The following MVB12A variants were observed in gnomAD, a reference collection of about 807,000 sequenced individuals.
MVB12A encodes CIN85/CD2AP family binding protein.
In MVB12A, 30 loss-of-function variants were observed where a neutral mutation model predicts 34.3. That is an observed-to-expected ratio of 0.88 (90% confidence interval 0.65 to 1.19). MVB12A has a LOEUF of 1.19. Ranked by LOEUF, MVB12A falls within the 50% of genes most tolerant of loss-of-function variation. The probability of loss-of-function intolerance (pLI) is 0.00; values close to 1 mark genes in which losing one functional copy is unlikely to be tolerated. For missense variants in MVB12A, 355 were observed against 369.2 expected (o/e 0.96, Z 0.31); for synonymous variants, 158 against 158.9 (o/e 0.99, Z 0.04).
chr19:17,411,971 G>T (rs1290607972), intron 2 of MVB12A, among the ~76,000 whole-genome samples: 1 of 152,196 alleles, frequency 6.6e-6, no homozygotes, highest in East Asian at 1.9e-4. Flanking sequence ...GGCGCTCAGC[G>T]GGTGGGGGCG....
At chr19:17,423,274 G>A (rs919568125) in intron 4 of MVB12A, among the ~76,000 whole-genome samples, 39 of 147,002 alleles carry the variant, frequency 2.7e-4, no homozygotes, top group Middle Eastern at 3.4e-3. Context: ...CAGGAGAATC[G>A]TTTGAACCTG....
At position 17,423,362 on chromosome 19, in the gene MVB12A, A is replaced by C. The variant is rs1052757512; in HGVS notation, c.414-136A>C. On this transcript the variant is annotated intron_variant, in intron 4 of 8. Transcript: ENST00000317040. ...CAACATGAGCGAAACTCCGTCCCCAAAAAAAAAAAAAAAAAAAATTCCCCC... is the reference window on the plus strand; with the variant it reads ...CAACATGAGCGAAACTCCGTCCCCACAAAAAAAAAAAAAAAAAATTCCCCC... 1.8e-3 allele frequency: 585 copies of C among 330,600 alleles called. 3 individuals carry two copies. Among genetic ancestry groups the C allele is most frequent in the African/African-American group, 0.01 (349 of 33,666 alleles). 20.5% of individuals were successfully genotyped at this position (330,600 alleles called of 1,614,324 possible).
intron 3 of MVB12A, among the ~76,000 whole-genome samples, chr19:17,421,712 C>T (rs111419011): frequency 2.0e-5 from 3 of 151,716 alleles, no homozygotes; most frequent in Admixed American, 1.3e-4. Flanking sequence ...GAGCCTGAGG[C>T]GGGCAGATCA....
chr19:17,423,955 G>A (rs768587919), intron 6 of MVB12A, 51 bp from the exon 7 acceptor site: 8 of 1,599,578 alleles, frequency 5.0e-6, no homozygotes, highest in Non-Finnish European at 6.9e-6. Context: ...TCTGTGGGTG[G>A]GGTGGGCAGT....
chr19:17,420,327 C>T lies in MVB12A; in HGVS notation c.105C>T (p.Val35=). 7 of 1,612,174 alleles carry T rather than the reference C, an allele frequency of 4.3e-6. 1 individual carries two copies. Among genetic ancestry groups the T allele is most frequent in the Non-Finnish European group, 5.9e-6 (7 of 1,179,282 alleles). Residue 35 remains valine, a synonymous_variant, in exon 2 of 9, where the codon GTC becomes GTT. Transcript: ENST00000317040. The part of the protein sequence containing the change: ...PRGFSAISCT[V]EGAPASFGKS... ...CCTCCCGGTAGATCTCCTGCACCGT[C>T]GAGGGGGCACCCGCCAGCTTTGGCA...
intron 2 of MVB12A, among the ~76,000 whole-genome samples, chr19:17,407,292 G>A (rs1031999025): frequency 7.9e-5 from 12 of 152,264 alleles, no homozygotes; most frequent in Non-Finnish European, 1.5e-4. Flanking sequence ...GTGCGGCGAC[G>A]AGAGAGTGTA....
Position 17,424,894 on chromosome 19 carries a change from C to G in MVB12A, c.760-37C>G, listed in dbSNP as rs997236862. 1 of 1,541,802 alleles carries G rather than the reference C, an allele frequency of 6.5e-7. No homozygotes were observed. The highest frequency in any genetic ancestry group is 8.9e-7 in the Non-Finnish European group (1 of 1,128,442). On this transcript the variant is annotated intron_variant, in intron 8 of 8. Coordinates refer to ENST00000317040, the MANE Select transcript of MVB12A (RefSeq NM_138401.4). ...CTCCCCCTTTGGCCCTCTCTTTACT[C>G]TGGCACCTGTTCACTCTCTCTCTCC...
intron 7 of MVB12A, 82 bp from the exon 8 acceptor site, chr19:17,424,539 G>A (rs1170821554): frequency 1.0e-5 from 14 of 1,387,580 alleles, no homozygotes; most frequent in Non-Finnish European, 1.2e-5. Context: ...GTGTTGGGGG[G>A]AGGGCAGGAC....
At position 17,422,447 on chromosome 19, in the gene MVB12A, C is replaced by T. The variant is rs142473602; in HGVS notation, c.402C>T (p.Tyr134=). The change falls in exon 4 of 9, where the codon TAC becomes TAT. Residue 134 remains tyrosine (Y), a synonymous_variant. Transcript: ENST00000317040. ...GGAAGACCAAGACAGTGCCTGGATA[C>T]CTTCGAATAGGGTAGGGCCACCCCC... ...LSGKTKTVPG[Y]LRIGDMGGFA... is the part of the protein sequence containing the mutation. The T allele has an allele frequency of 3.1e-6, 5 of 1,612,086 alleles. No individual in the cohort carries two copies. The highest frequency in any genetic ancestry group is 4.5e-5 in the East Asian group (2 of 44,810).
chr19:17,406,269 A>G (rs1009484189), exon 2 of MVB12A: 5 of 151,922 alleles, frequency 3.3e-5, no homozygotes, highest in African/African-American at 1.2e-4. Context: ...CTTCCAGAAA[A>G]AGTGCTCCTG....
chr19:17,423,341 A>G (rs932588837), intron 4 of MVB12A, among the ~76,000 whole-genome samples, 157 bp from the exon 5 acceptor site: 3 of 149,522 alleles, frequency 2.0e-5, no homozygotes, highest in Non-Finnish European at 3.0e-5. Context: ...CCTGGGCAAC[A>G]TGAGCGAAAC....
chr19:17,418,259 C>G, upstream of MVB12A: 1 of 194,598 alleles, frequency 5.1e-6, no homozygotes, highest in Non-Finnish European at 1.1e-5. Context: ...ACATTTTGCC[C>G]TTTGGTTTCT....
At chr19:17,408,453 T>TA (rs1397701261) in intron 2 of MVB12A, among the ~76,000 whole-genome samples, 1 of 150,372 alleles carries the variant, frequency 6.7e-6, no homozygotes, top group African/African-American at 2.4e-5. Flanking sequence ...ATTAATTAAT[T>TA]AATTTTTTTT....
At position 17,424,949 on chromosome 19, in the gene MVB12A, G is replaced by A. The variant is rs775283162; in HGVS notation, c.778G>A (p.Val260Met). The A allele has an allele frequency of 3.1e-6, 5 of 1,610,078 alleles. No individual in the cohort carries two copies. The South Asian group carries it at 5.5e-5, about 18-fold the overall frequency. The change falls in exon 9 of 9, where the codon GTG becomes ATG. Residue 260 changes from valine (V) to methionine (M), a missense_variant. Transcript: ENST00000317040. ...CCCCCAGTATAACTACGGCTTCGTGGTGGAGAAGACCGCGGCTGCCCGCCT... is the reference window on the plus strand; with the variant it reads ...CCCCCAGTATAACTACGGCTTCGTGATGGAGAAGACCGCGGCTGCCCGCCT... Reference protein sequence around the residue: ...IEEEYNYGFVVEKTAAARLPP... With the variant: ...IEEEYNYGFVMEKTAAARLPP...
At chr19:17,414,941 C>G (rs2145755645) in intron 2 of MVB12A, 1 of 152,284 alleles carries the variant, frequency 6.6e-6, no homozygotes, top group East Asian at 1.9e-4. Flanking sequence ...GTAATCCCAG[C>G]ACTTTGGGAG....
chr19:17,425,229 G>A lies in MVB12A; in HGVS notation c.*236G>A, dbSNP rs999814330. 1.9e-5 allele frequency: 10 copies of A among 523,450 alleles called. No individual in the cohort carries two copies. The highest frequency in any genetic ancestry group is 7.9e-5 in the African/African-American group (4 of 50,900). The allele number at this position is 523,450 out of a possible 1,614,324, so 32.4% of individuals were successfully genotyped here. ...CCACGCCCTGCCGGGCAGGGCTGGA[G>A]CTGGACAGAAGCCAGTGCCTTTAAG... is the stretch of plus-strand genomic sequence containing the variant. On this transcript the variant is annotated 3_prime_UTR_variant, in exon 9 of 9. Transcript: ENST00000317040.
At chr19:17,408,086 T>C (rs1052818772) in intron 2 of MVB12A, among the ~76,000 whole-genome samples, 4 of 152,198 alleles carry the variant, frequency 2.6e-5, no homozygotes, top group Admixed American at 2.6e-4. Flanking sequence ...TATTATACTA[T>C]TGGGATAAAG....
At chr19:17,409,875 C>G (rs1199108805) in intron 2 of MVB12A, among the ~76,000 whole-genome samples, 1 of 152,118 alleles carries the variant, frequency 6.6e-6, no homozygotes, top group Non-Finnish European at 1.5e-5. Context: ...CCTGCTGCCT[C>G]AGTCTCCTGA....
At chr19:17,410,947 A>G (rs528707249) in intron 2 of MVB12A, among the ~76,000 whole-genome samples, 3 of 148,212 alleles carry the variant, frequency 2.0e-5, no homozygotes, top group East Asian at 4.0e-4. Flanking sequence ...AAAAAAGAAA[A>G]GAAACATTTT....
Sources: gnomAD v4.1 joint callset for allele counts (sites outside exome capture counted in the v4.1 genomes callset) on GRCh38, gnomAD v4.1.1 for gene constraint, MANE v1.5 for transcripts, NCBI Gene and HGNC (gene_info 2026-07-23, HGNC 2026-07-21) for gene names.